The following NEBL variants were observed in gnomAD, a reference collection of about 807,000 sequenced individuals.
NEBL encodes LIM and SH3 protein 2.
Under a neutral mutation model 140.2 loss-of-function variants are expected in NEBL, and 122 were observed. The observed-to-expected ratio is 0.87, with a 90% CI of 0.75 to 1.01. The LOEUF is 1.01. Ranked by LOEUF, NEBL falls within the 50% of genes least tolerant of loss-of-function variation. The pLI is 0.00. For missense variants in NEBL, 1,365 were observed against 1,231.3 expected (o/e 1.11, Z -1.62); for synonymous variants, 436 against 398.9 (o/e 1.09, Z -1.11).
Position 21,143,866 on chromosome 10 carries a change from G to GA in NEBL, c.164+28516dup, listed in dbSNP as rs796270631. ...GCCAGATCAGGATAAGACAAGAAAA[G>GA]AAAAAAAAAAAGCTTAAAATAAGAC... On this transcript the variant is annotated intron_variant, in intron 2 of 6. Transcript: ENST00000417816. Among the ~76,000 whole-genome samples the GA allele has an allele frequency of 9.4e-3, 1,145 of 121,490 alleles. 11 individuals are homozygous for GA. The highest frequency in any genetic ancestry group is 0.03 in the African/African-American group (991 of 33,136). The allele number at this position is 121,490 out of a possible 152,430, so 79.7% of individuals were successfully genotyped here.
chr10:20,825,426 G>T (rs1356292910), intron 18 of NEBL, among the ~76,000 whole-genome samples: 1 of 152,098 alleles, frequency 6.6e-6, no homozygotes, highest in Non-Finnish European at 1.5e-5. Context: ...GGAGGCTGAA[G>T]CGGGAGGATC....
At chr10:20,898,924 T>C (rs1847712784), upstream of NEBL, among the ~76,000 whole-genome samples, 1 of 152,196 alleles carries the variant, frequency 6.6e-6, no homozygotes, top group Admixed American at 6.5e-5. Context: ...AAGGAGCTGT[T>C]GGTCTTGAAC....
chr10:21,048,590 G>GGA (rs202025381), intron 2 of NEBL, among the ~76,000 whole-genome samples: 1 of 152,028 alleles, frequency 6.6e-6, no homozygotes, highest in East Asian at 1.9e-4. Context: ...TCAATAAGAG[G>GGA]GAGAGAGAGA....
intron 1 of NEBL, among the ~76,000 whole-genome samples, chr10:21,270,182 TC>T: frequency 6.6e-6 from 1 of 152,318 alleles, no homozygotes; most frequent in Admixed American, 6.5e-5. Context: ...CCCTACAGTT[TC>T]TGTCATCCCT....
At chr10:20,881,138 T>C (rs1564416015) in intron 4 of NEBL, among the ~76,000 whole-genome samples, 1 of 152,196 alleles carries the variant, frequency 6.6e-6, no homozygotes. Context: ...AAGATGAAAT[T>C]TCCATTTTTA....
intron 1 of NEBL, among the ~76,000 whole-genome samples, chr10:21,258,603 G>A (rs1842695633): frequency 6.6e-6 from 1 of 152,190 alleles, no homozygotes; most frequent in South Asian, 2.1e-4. Context: ...TACTCAGGAG[G>A]CTGAGGCAGC....
intron 13 of NEBL, among the ~76,000 whole-genome samples, chr10:20,836,044 T>C (rs1055639743): frequency 3.3e-5 from 5 of 152,174 alleles, no homozygotes; most frequent in African/African-American, 1.2e-4. Context: ...AATGCAAGCA[T>C]ACCTCATTTT....
intron 1 of NEBL, among the ~76,000 whole-genome samples, chr10:21,284,229 A>AAAAAC (rs1564555805): frequency 8.1e-6 from 1 of 123,544 alleles, no homozygotes. Flanking sequence ...AAAAAAAAAA[A>AAAAAC]AAAACGAAAA....
intron 18 of NEBL, among the ~76,000 whole-genome samples, chr10:20,825,472 C>T (rs889677482): frequency 6.6e-6 from 1 of 152,020 alleles, no homozygotes; most frequent in Non-Finnish European, 1.5e-5. Context: ...GCCTGGCCGA[C>T]ATGGTGAAAC....
In NEBL at chr10:20,869,795, T is replaced by TCTGCACTGTACGTGTGGGTGTC; in HGVS notation, c.505_526dup (p.Glu176GlyfsTer10). On this transcript the variant is annotated frameshift_variant, in exon 6 of 28. Coordinates refer to ENST00000377122, the MANE Select transcript of NEBL (RefSeq NM_006393.3). LOFTEE classifies it high-confidence loss of function. Reference sequence around the variant, plus strand: ...CATCTTGATGTCTGGTCGGTCAAGTTCTGCACTGTACGTGTGGGTGTCCTG... The same window carrying TCTGCACTGTACGTGTGGGTGTC: ...CATCTTGATGTCTGGTCGGTCAAGTTCTGCACTGTACGTGTGGGTGTCCTGCACTGTACGTGTGGGTGTCCTG... 6.2e-7 allele frequency: 1 copy of TCTGCACTGTACGTGTGGGTGTC among 1,613,692 alleles called. No homozygotes were observed. The highest frequency in any genetic ancestry group is 8.5e-7 in the Non-Finnish European group (1 of 1,179,672).
At position 21,172,240 on chromosome 10, in the gene NEBL, C is replaced by A. The variant is rs1841107363; in HGVS notation, c.164+143G>T. 6.3e-5 allele frequency: 45 copies of A among 710,876 alleles called. No individual in the cohort carries two copies. In the South Asian group the frequency reaches 6.8e-4, roughly 11 times the overall value. 44.0% of individuals were successfully genotyped at this position (710,876 alleles called of 1,614,324 possible). On this transcript the variant is annotated intron_variant, in intron 2 of 6. Transcript: ENST00000417816. ...AGTGATCGTCAACAAAGTACATGGC[C>A]CCAGAGTCTGTGATATAAACAGGTA...
intron 24 of NEBL, among the ~76,000 whole-genome samples, chr10:20,812,033 T>G (rs1198863899): frequency 6.6e-6 from 1 of 152,156 alleles, no homozygotes; most frequent in African/African-American, 2.4e-5. Context: ...TGCAAGACTT[T>G]CAGATGGCTC....
At chr10:21,259,707 G>A (rs951054704) in intron 1 of NEBL, among the ~76,000 whole-genome samples, 2 of 152,120 alleles carry the variant, frequency 1.3e-5, no homozygotes, top group African/African-American at 2.4e-5. Flanking sequence ...AGGCCCCAAC[G>A]GCCAAAAACA....
intron 3 of NEBL, among the ~76,000 whole-genome samples, chr10:21,213,422 G>C (rs907677468): frequency 1.3e-5 from 2 of 151,564 alleles, no homozygotes; most frequent in African/African-American, 2.4e-5. Context: ...AGCGGAGGAC[G>C]GGGGAAGCTT....
At chr10:20,799,508 T>C (rs1371643453) in intron 26 of NEBL, among the ~76,000 whole-genome samples, 1 of 152,234 alleles carries the variant, frequency 6.6e-6, no homozygotes, top group African/African-American at 2.4e-5. Flanking sequence ...TAAATGAAGA[T>C]AGCACTTTTT....
At chr10:20,935,328 T>C (rs1429393713) in intron 4 of NEBL, among the ~76,000 whole-genome samples, 1 of 152,236 alleles carries the variant, frequency 6.6e-6, no homozygotes, top group African/African-American at 2.4e-5. Flanking sequence ...AGACTGTGCT[T>C]AACACGACAA....
At chr10:21,045,425 A>G (rs1834464959) in intron 2 of NEBL, among the ~76,000 whole-genome samples, 1 of 152,258 alleles carries the variant, frequency 6.6e-6, no homozygotes, top group Non-Finnish European at 1.5e-5. Context: ...CCAGTGCTCA[A>G]AAACTCATAA....
At chr10:20,826,659 A>G in intron 17 of NEBL, 120 bp from the exon 18 acceptor site, 1 of 778,720 alleles carries the variant, frequency 1.3e-6, no homozygotes, top group Non-Finnish European at 2.1e-6. Context: ...TCTATTTATG[A>G]GTGCCGGAAT....
intron 2 of NEBL, among the ~76,000 whole-genome samples, chr10:21,129,351 A>C (rs1456134218): frequency 6.6e-6 from 1 of 152,066 alleles, no homozygotes; most frequent in African/African-American, 2.4e-5. Flanking sequence ...GGCTCAAGCC[A>C]TCCTCCCACC....
Sources: gnomAD v4.1 joint callset for allele counts (sites outside exome capture counted in the v4.1 genomes callset) on GRCh38, gnomAD v4.1.1 for gene constraint, MANE v1.5 for transcripts, NCBI Gene and HGNC (gene_info 2026-07-23, HGNC 2026-07-21) for gene names.